PTPRD: variants seen among roughly 807,000 people sequenced by gnomAD.
The protein encoded by PTPRD is receptor-type tyrosine-protein phosphatase delta.
In PTPRD, 34 loss-of-function variants were observed where a neutral mutation model predicts 214.5. The ratio of observed to expected loss-of-function variants is 0.16; its 90% CI spans 0.12 to 0.21. PTPRD has a LOEUF of 0.21. PTPRD is among the 10% of genes least tolerant of loss of function. The pLI is 1.00. For synonymous variants in PTPRD, 1,128 were observed against 845.7 expected (o/e 1.33, Z -5.79); for missense variants, 2,545 against 2,398.7 (o/e 1.06, Z -1.27).
intron 9 of PTPRD, among the ~76,000 whole-genome samples, chr9:9,203,567 G>C (rs2099943135): frequency 6.6e-6 from 1 of 152,064 alleles, no homozygotes; most frequent in Non-Finnish European, 1.5e-5. Flanking sequence ...CACTGTTACA[G>C]TTCGGGTTCT....
intron 3 of PTPRD, among the ~76,000 whole-genome samples, chr9:10,203,169 CT>C (rs60069193): frequency 0.025 from 3,031 of 119,836 alleles, 85 homozygotes; most frequent in East Asian, 0.16. Context: ...CCCTCTCTCT[CT>C]TTTTTTTTTT....
intron 12 of PTPRD, among the ~76,000 whole-genome samples, chr9:8,716,640 G>T (rs953861429): frequency 2.6e-5 from 4 of 152,154 alleles, no homozygotes; most frequent in Admixed American, 1.3e-4. Flanking sequence ...CTAGGGGATG[G>T]TTCACATATA....
intron 10 of PTPRD, among the ~76,000 whole-genome samples, chr9:9,072,919 G>A (rs1487606736): frequency 6.6e-6 from 1 of 152,072 alleles, no homozygotes; most frequent in East Asian, 1.9e-4. Context: ...AAGTATGAAG[G>A]CATATAAAAA....
chr9:10,583,563 T>C (rs1242701446), intron 2 of PTPRD, among the ~76,000 whole-genome samples: 1 of 151,998 alleles, frequency 6.6e-6, no homozygotes, highest in Non-Finnish European at 1.5e-5. Flanking sequence ...ACCATTCTCC[T>C]GCCTCAGCCT....
chr9:8,694,044 G>A (rs1291884900), intron 12 of PTPRD, among the ~76,000 whole-genome samples: 17 of 152,112 alleles, frequency 1.1e-4, no homozygotes, highest in East Asian at 1.9e-4. Context: ...ATGCTTGTAC[G>A]TTTAAGTCTT....
At chr9:10,492,448 T>A (rs1466335410) in intron 2 of PTPRD, among the ~76,000 whole-genome samples, 2 of 152,190 alleles carry the variant, frequency 1.3e-5, no homozygotes, top group Non-Finnish European at 1.5e-5. Context: ...TTGATTTGCA[T>A]CTCTCTGGTG....
chr9:9,765,908 C>T (rs2098703290), intron 6 of PTPRD, among the ~76,000 whole-genome samples: 1 of 152,124 alleles, frequency 6.6e-6, no homozygotes, highest in African/African-American at 2.4e-5. Flanking sequence ...GTGATCCGCC[C>T]GCCTCAGCCT....
intron 10 of PTPRD, among the ~76,000 whole-genome samples, chr9:9,113,689 G>C (rs1244416752): frequency 2.0e-5 from 3 of 152,052 alleles, no homozygotes; most frequent in Non-Finnish European, 4.4e-5. Context: ...CTGGGTTAGG[G>C]GTAACATGTA....
At chr9:8,497,128 G>C (rs2097293591) in intron 26 of PTPRD, 114 bp downstream of exon 26, 6 of 874,936 alleles carry the variant, frequency 6.9e-6, no homozygotes, top group Non-Finnish European at 8.7e-6. Flanking sequence ...AAAATAATTT[G>C]TTAGTTCATG....
intron 9 of PTPRD, among the ~76,000 whole-genome samples, chr9:9,204,446 T>A (rs1593492746): frequency 1.3e-5 from 2 of 152,294 alleles, no homozygotes; most frequent in Admixed American, 6.5e-5. Context: ...TCCACTCATG[T>A]TTGGATAAAG....
chr9:9,736,846 T>A (rs2154446658), intron 6 of PTPRD, among the ~76,000 whole-genome samples: 1 of 152,132 alleles, frequency 6.6e-6, no homozygotes, highest in Non-Finnish European at 1.5e-5. Flanking sequence ...CCTTTGTTGG[T>A]TATATATTGT....
chr9:10,291,639 G>A (rs117270395), intron 3 of PTPRD, among the ~76,000 whole-genome samples: 2,233 of 136,086 alleles, frequency 0.016, 23 homozygotes, highest in Middle Eastern at 0.042. Flanking sequence ...CTAGATTCTG[G>A]GAACAGAAAA....
chr9:9,546,472 C>T (rs1472231107), intron 8 of PTPRD, among the ~76,000 whole-genome samples: 5 of 151,504 alleles, frequency 3.3e-5, no homozygotes, highest in Non-Finnish European at 5.9e-5. Context: ...CCATTATTTG[C>T]CCTCCTTAGG....
At chr9:10,364,449 A>G (rs1398676191) in intron 2 of PTPRD, among the ~76,000 whole-genome samples, 1 of 152,118 alleles carries the variant, frequency 6.6e-6, no homozygotes, top group Non-Finnish European at 1.5e-5. Flanking sequence ...TATACAATCT[A>G]TGCACGTAAC....
rs144669330 is a variant in PTPRD, at chr9:9,182,923, C to T, written c.-143+381G>A. Among the ~76,000 whole-genome samples the T allele has an allele frequency of 7.0e-4, 107 of 151,962 alleles. 2 individuals are homozygous for T. The East Asian group carries it at 9.5e-3, about 13-fold the overall frequency. The stretch of plus-strand genomic sequence containing the variant: ...TAAAGTATGTAGGCGAGACCACCAC[C>T]GAGGGCTAATAATTTCATAGCAGCA... On this transcript the variant is annotated intron_variant, in intron 10 of 45. Coordinates refer to ENST00000381196, the MANE Select transcript of PTPRD (RefSeq NM_002839.4).
chr9:10,342,027 A>G (rs1353997507), intron 2 of PTPRD, among the ~76,000 whole-genome samples: 1 of 152,056 alleles, frequency 6.6e-6, no homozygotes, highest in Non-Finnish European at 1.5e-5. Flanking sequence ...GCTAGGATCA[A>G]TAAATTGTGG....
intron 21 of PTPRD, among the ~76,000 whole-genome samples, chr9:8,507,857 A>G (rs2097573728): frequency 6.6e-6 from 1 of 152,222 alleles, no homozygotes; most frequent in African/African-American, 2.4e-5. Context: ...CTAGCACTAC[A>G]TGTAACATTC....
intron 2 of PTPRD, among the ~76,000 whole-genome samples, chr9:10,507,471 A>G (rs2046399125): frequency 6.6e-6 from 1 of 152,172 alleles, no homozygotes; most frequent in African/African-American, 2.4e-5. Flanking sequence ...ATGGAACCAA[A>G]AAATAGCCCG....
At chr9:8,505,980 C>G (rs1020267659) in intron 22 of PTPRD, among the ~76,000 whole-genome samples, 3 of 152,172 alleles carry the variant, frequency 2.0e-5, no homozygotes, top group Non-Finnish European at 4.4e-5. Context: ...TAAGTCATAT[C>G]TGCATTTCAA....
Sources: allele counts gnomAD v4.1 joint callset (sites outside exome capture counted in the v4.1 genomes callset), GRCh38; gene constraint gnomAD v4.1.1; transcripts MANE v1.5; gene names NCBI Gene and HGNC (gene_info 2026-07-23, HGNC 2026-07-21).